SLX9: variants seen among roughly 807,000 people sequenced by gnomAD.
The protein encoded by SLX9 is ribosome biogenesis protein SLX9 homolog.
A neutral mutation model predicts 20.8 loss-of-function variants in SLX9; 19 were observed. The ratio of observed to expected loss-of-function variants is 0.91; its 90% CI spans 0.64 to 1.34. SLX9 has a LOEUF of 1.34. Ranked by LOEUF, SLX9 falls within the 40% of genes most tolerant of loss-of-function variation. The pLI, the probability that SLX9 is intolerant of heterozygous loss-of-function variation, is 0.00. For synonymous variants in SLX9, 113 were observed against 137.1 expected (o/e 0.82, Z 1.23); for missense variants, 299 against 322.2 (o/e 0.93, Z 0.55).
chr21:44,975,277 T>G (rs2085241223), intron 5 of SLX9, among the ~76,000 whole-genome samples: 1 of 152,186 alleles, frequency 6.6e-6, no homozygotes, highest in South Asian at 2.1e-4. Context: ...CTCCTGGAGC[T>G]GGTGGTCCGT....
At chr21:44,951,841 G>A (rs1468524884) in intron 2 of SLX9, among the ~76,000 whole-genome samples, 1 of 152,096 alleles carries the variant, frequency 6.6e-6, no homozygotes, top group Non-Finnish European at 1.5e-5. Context: ...AGGAGCCCTT[G>A]CTGCTCTTTG....
At chr21:44,954,209 G>A (rs17004718) in intron 2 of SLX9, among the ~76,000 whole-genome samples, 2,219 of 152,228 alleles carry the variant, frequency 0.015, 64 homozygotes, top group African/African-American at 0.05. Context: ...TGGAGTCCAC[G>A]TTTCTTGTTT....
intron 5 of SLX9, among the ~76,000 whole-genome samples, chr21:44,973,752 GTT>G (rs2085207815): frequency 6.6e-6 from 1 of 151,716 alleles, no homozygotes; most frequent in Non-Finnish European, 1.5e-5. Flanking sequence ...CCTCCCAGGG[GTT>G]CAGCGGCTGA....
At chr21:44,971,659 G>A (rs1327894672) in intron 4 of SLX9, among the ~76,000 whole-genome samples, 4 of 147,896 alleles carry the variant, frequency 2.7e-5, no homozygotes, top group Admixed American at 6.8e-5. Context: ...GACCCAGCAC[G>A]TGGCTGCCCA....
chr21:44,970,064 C>A (rs1263895962), intron 4 of SLX9, among the ~76,000 whole-genome samples: 3 of 150,214 alleles, frequency 2.0e-5, no homozygotes, highest in African/African-American at 7.6e-5. Flanking sequence ...TCACCTGACT[C>A]ACCGTGAGGC....
chr21:44,966,216 T>C (rs1405965676), intron 3 of SLX9, among the ~76,000 whole-genome samples: 1 of 152,138 alleles, frequency 6.6e-6, no homozygotes, highest in Non-Finnish European at 1.5e-5. Flanking sequence ...GGCGCCGCTG[T>C]CCCAGACAGC....
At chr21:44,966,907 G>A in intron 3 of SLX9, 127 bp from the exon 4 acceptor site, 1 of 1,233,912 alleles carries the variant, frequency 8.1e-7, no homozygotes, top group Non-Finnish European at 1.2e-6. Context: ...CGGAATGGGG[G>A]TGACAGCGGG....
At chr21:44,964,335 T>A (rs908311815) in intron 3 of SLX9, among the ~76,000 whole-genome samples, 3 of 152,200 alleles carry the variant, frequency 2.0e-5, no homozygotes, top group African/African-American at 7.2e-5. Context: ...ATTTTTTCCC[T>A]CAATTTGCTT....
At chr21:44,948,261 A>T (rs1437818621) in intron 2 of SLX9, among the ~76,000 whole-genome samples, 1 of 89,112 alleles carries the variant, frequency 1.1e-5, no homozygotes, top group Admixed American at 1.2e-4. Flanking sequence ...GCTGGTCGTG[A>T]AGCATCGGGC....
At chr21:44,941,260 TGCTGGCAGGTAGGA>T in intron 1 of SLX9, among the ~76,000 whole-genome samples, 1 of 152,190 alleles carries the variant, frequency 6.6e-6, no homozygotes, top group Non-Finnish European at 1.5e-5. Context: ...GCCTGGCTCA[TGCTGGCAGGTAGGA>T]GCAGGTGGGC....
At chr21:44,946,700 C>T (rs2084649303) in intron 2 of SLX9, among the ~76,000 whole-genome samples, 1 of 152,264 alleles carries the variant, frequency 6.6e-6, no homozygotes, top group Non-Finnish European at 1.5e-5. Flanking sequence ...TTACAGCCCT[C>T]CTGGAGCGAG....
chr21:44,966,703 C>G (rs2085041852), intron 3 of SLX9, among the ~76,000 whole-genome samples: 1 of 152,234 alleles, frequency 6.6e-6, no homozygotes, highest in Non-Finnish European at 1.5e-5. Context: ...TCATTCCCCT[C>G]TGTCCCCTCT....
intron 2 of SLX9, chr21:44,958,161 T>TGAGG (rs1326924257): frequency 6.6e-6 from 1 of 152,368 alleles, no homozygotes; most frequent in Non-Finnish European, 1.5e-5. Flanking sequence ...GTGTGGCCCC[T>TGAGG]GCTGCCGTCA....
chr21:44,951,918 CA>C (rs1247288597), intron 2 of SLX9, among the ~76,000 whole-genome samples: 1 of 131,734 alleles, frequency 7.6e-6, no homozygotes, highest in Non-Finnish European at 1.5e-5. Flanking sequence ...GAGACTGGCC[CA>C]GGCGGGTGTG....
At chr21:44,944,700 A>G (rs2084611510) in intron 2 of SLX9, among the ~76,000 whole-genome samples, 1 of 152,238 alleles carries the variant, frequency 6.6e-6, no homozygotes, top group South Asian at 2.1e-4. Flanking sequence ...CCAGTGTGAC[A>G]GTGAAGACTG....
chr21:44,961,227 C>T (rs1420098329), intron 3 of SLX9, among the ~76,000 whole-genome samples: 8 of 151,362 alleles, frequency 5.3e-5, no homozygotes, highest in African/African-American at 1.2e-4. Context: ...TATTCCATGG[C>T]ACTTGGTCCT....
intron 2 of SLX9, among the ~76,000 whole-genome samples, chr21:44,950,999 G>A (rs950039136): frequency 2.6e-5 from 4 of 152,146 alleles, no homozygotes; most frequent in East Asian, 1.9e-4. Context: ...AGCACGTGGC[G>A]GCGACTGGGT....
intron 4 of SLX9, chr21:44,972,938 T>C: frequency 1.7e-6 from 1 of 573,690 alleles, no homozygotes; most frequent in African/African-American, 1.9e-5. Context: ...CGGAGCAGCT[T>C]GGGGCCCGCG....
At chr21:44,954,305 C>T (rs1002072454) in intron 2 of SLX9, among the ~76,000 whole-genome samples, 1 of 152,140 alleles carries the variant, frequency 6.6e-6, no homozygotes, top group African/African-American at 2.4e-5. Flanking sequence ...GCAGAGGGGC[C>T]GAGCGTTGTG....
Sources: allele counts gnomAD v4.1 joint callset (sites outside exome capture counted in the v4.1 genomes callset), GRCh38; gene constraint gnomAD v4.1.1; transcripts MANE v1.5; gene names NCBI Gene and HGNC (gene_info 2026-07-23, HGNC 2026-07-21).